The following SLC12A9 variants were observed in gnomAD, a reference collection of about 807,000 sequenced individuals.
The protein encoded by SLC12A9 is solute carrier family 12 member 9, also known as CCC-interacting protein 1.
Under a neutral mutation model 66.0 loss-of-function variants are expected in SLC12A9, and 55 were observed. The ratio of observed to expected loss-of-function variants is 0.83; its 90% CI spans 0.67 to 1.04. The LOEUF is 1.04. Ranked by LOEUF, SLC12A9 falls within the 50% of genes least tolerant of loss-of-function variation. The pLI is 0.00. For synonymous variants in SLC12A9, 577 were observed against 569.0 expected (o/e 1.01, Z -0.20); for missense variants, 1,061 against 1,241.9 (o/e 0.85, Z 2.19).
chr7:100,856,136 G>A, intron 4 of SLC12A9: 1 of 232,762 alleles, frequency 4.3e-6, no homozygotes, highest in South Asian at 7.5e-5. Context: ...GGGGAAGGTG[G>A]ACTCTCTGAT....
chr7:100,859,543 C>A, intron 7 of SLC12A9: 1 of 373,038 alleles, frequency 2.7e-6, no homozygotes, highest in Non-Finnish European at 4.9e-6. Context: ...GAGCAAGAGC[C>A]TCCCCCCAAA....
At chr7:100,829,258 G>C (rs1296097617) in intron 1 of SLC12A9, among the ~76,000 whole-genome samples, 1 of 152,110 alleles carries the variant, frequency 6.6e-6, no homozygotes, top group African/African-American at 2.4e-5. Flanking sequence ...AAAGTGCTGG[G>C]ATTACAGACG....
rs745568147 is a variant in SLC12A9, at chr7:100,866,244, G to A, written c.2384G>A (p.Arg795Gln). The change falls in exon 14 of 14, where the codon CGG becomes CAG. Residue 795 changes from arginine to glutamine, a missense_variant. By Grantham distance (43) the Arg-to-Gln change is conservative. Coordinates refer to ENST00000354161, the MANE Select transcript of SLC12A9 (RefSeq NM_020246.4). The surrounding 1 kb of genome is among the most constrained non-coding windows in gnomAD (Gnocchi z 7.3). Reference protein sequence around the residue: ...LRALLSQLRIRAEVQEVVWGE... With the variant: ...LRALLSQLRIQAEVQEVVWGE... The stretch of plus-strand genomic sequence containing the variant: ...GCACTGCTGAGCCAACTGAGGATCC[G>A]GGCTGAGGTGCAGGAGGTGGTGTGG... 7 of 1,598,978 alleles carry A rather than the reference G, an allele frequency of 4.4e-6. No individual in the cohort carries two copies. Among genetic ancestry groups the A allele is most frequent in the African/African-American group, 4.0e-5 (3 of 74,568 alleles).
chr7:100,859,972 C>T lies in SLC12A9; in HGVS notation c.1065C>T (p.Leu355=), dbSNP rs762454647. 8.7e-6 allele frequency: 14 copies of T among 1,613,382 alleles called. No individual in the cohort carries two copies. In the Admixed American group the frequency reaches 1.2e-4, roughly 13 times the overall value. Residue 355 remains leucine (L), a synonymous_variant, in exon 8 of 14, where the codon CTC becomes CTT. Transcript: ENST00000354161. The part of the protein sequence containing the change: ...LVLIGIYATA[L]SASMSSLIGA... ...TGATCGGAATCTATGCCACAGCGCT[C>T]TCAGCGTCCATGAGCTCGCTCATTG...
chr7:100,866,742 G>T lies in SLC12A9; in HGVS notation c.*137G>T, dbSNP rs1815122848. On this transcript the variant is annotated 3_prime_UTR_variant, in exon 14 of 14. Coordinates refer to ENST00000354161, the MANE Select transcript of SLC12A9 (RefSeq NM_020246.4). The surrounding 1 kb of genome is among the most constrained non-coding windows in gnomAD (Gnocchi z 7.3). The stretch of plus-strand genomic sequence containing the variant: ...TGGAGCCCAGGGGAGGTTTGAAGGG[G>T]ATCCTGGGCTTGGGCATCACGCCCA... The T allele has an allele frequency of 1.1e-6, 1 of 949,474 alleles. No homozygotes were observed. Among genetic ancestry groups the T allele is most frequent in the Non-Finnish European group, 1.5e-6 (1 of 675,628 alleles). 58.8% of individuals were successfully genotyped at this position (949,474 alleles called of 1,614,324 possible).
intron 1 of SLC12A9, among the ~76,000 whole-genome samples, chr7:100,835,664 CA>C (rs1180089393): frequency 6.6e-6 from 1 of 151,524 alleles, no homozygotes; most frequent in East Asian, 1.9e-4. Flanking sequence ...AAAAAAACAA[CA>C]AAAAAACAAA....
Position 100,854,774 on chromosome 7 carries a change from G to A in SLC12A9, c.316+20G>A. The A allele has an allele frequency of 1.9e-6, 3 of 1,613,552 alleles. No homozygotes were observed. The highest frequency in any genetic ancestry group is 2.5e-6 in the Non-Finnish European group (3 of 1,179,914). ...CCTACTGTATCCTCCAACATCGATG[G>A]ACTGGGGTCTGGCCTGTTCTGCCTG... On this transcript the variant is annotated intron_variant, in intron 3 of 13. Transcript: ENST00000354161.
intron 1 of SLC12A9, among the ~76,000 whole-genome samples, chr7:100,835,725 A>T (rs2116503991): frequency 6.6e-6 from 1 of 152,304 alleles, no homozygotes; most frequent in Middle Eastern, 3.4e-3. Context: ...TTTCATGCAG[A>T]CTTTCCCATC....
rs1409707889 is a variant in SLC12A9 at position 100,861,683 on chromosome 7, C to T, written c.1537-54C>T. The T allele has an allele frequency of 1.6e-5, 26 of 1,611,646 alleles. No homozygotes were observed. The highest frequency in any genetic ancestry group is 8.8e-5 in the South Asian group (8 of 91,024). Reference sequence around the variant, plus strand: ...GTGCTCCCGTCCAGGAGGCGCTGAACGGGGCTGTGCATTTGATCCTGCCAC... The same window carrying T: ...GTGCTCCCGTCCAGGAGGCGCTGAATGGGGCTGTGCATTTGATCCTGCCAC... On this transcript the variant is annotated intron_variant, in intron 11 of 13. Transcript: ENST00000354161. The surrounding 1 kb of genome is among the most constrained non-coding windows in gnomAD (Gnocchi z 5.3).
chr7:100,831,615 CGCGCGGGGACCAT>C (rs1176529262), intron 1 of SLC12A9, among the ~76,000 whole-genome samples: 1 of 152,204 alleles, frequency 6.6e-6, no homozygotes, highest in African/African-American at 2.4e-5. Flanking sequence ...GCTGGGACCC[CGCGCGGGGACCAT>C]GCCCGGCTAA....
In SLC12A9 at chr7:100,861,247, C is replaced by T. The variant is rs1466931743; in HGVS notation, c.1328C>T (p.Ser443Leu). Residue 443 changes from serine to leucine, a missense_variant, in exon 10 of 14, where the codon TCG becomes TTG. Ser to Leu is a moderately radical substitution (Grantham distance 145). Transcript: ENST00000354161. This position sits in a 1 kb window ranked among gnomAD's most constrained non-coding sequence, Gnocchi z 5.3. ...TCCTGCCTGAGCCTGGAGTGGGCCT[C>T]GGCCCCCAACTTCCGGTGAGAGACT... is the stretch of plus-strand genomic sequence containing the variant. ...DLSCLSLEWASAPNFRPTFSL... is the reference protein window; with the variant it reads ...DLSCLSLEWALAPNFRPTFSL... 3.7e-6 allele frequency: 6 copies of T among 1,614,188 alleles called. No individual in the cohort carries two copies. In the East Asian group the frequency reaches 6.7e-5, roughly 18 times the overall value.
chr7:100,865,990 G>A lies in SLC12A9; in HGVS notation c.2130G>A (p.Arg710=), dbSNP rs775987820. 1 of 1,612,784 alleles carries A rather than the reference G, an allele frequency of 6.2e-7. No individual in the cohort carries two copies. The highest frequency in any genetic ancestry group is 1.1e-5 in the South Asian group (1 of 91,052). ...ARASGALPPE[R]LSRGSGGTSQ... is the part of the protein sequence containing the mutation. ...CCAGCGGGGCCTTGCCCCCTGAGCG[G>A]CTGAGCCGGGGGTCTGGGGGCACCT... The change falls in exon 14 of 14, where the codon CGG becomes CGA. Residue 710 remains arginine (R), a synonymous_variant. Transcript: ENST00000354161.
chr7:100,865,551 G>GA (rs1815023792), intron 13 of SLC12A9, 168 bp from the exon 14 acceptor site: 1 of 1,582,572 alleles, frequency 6.3e-7, no homozygotes, highest in Non-Finnish European at 8.6e-7. Flanking sequence ...TAGGAAAAAT[G>GA]AAAAGTCTTT....
At chr7:100,841,184 A>T (rs1350146982) in intron 1 of SLC12A9, among the ~76,000 whole-genome samples, 1 of 152,138 alleles carries the variant, frequency 6.6e-6, no homozygotes, top group African/African-American at 2.4e-5. Context: ...ATTTGTAATA[A>T]GTCAAAAAGT....
intron 1 of SLC12A9, among the ~76,000 whole-genome samples, chr7:100,830,489 C>CTGT (rs1813523465): frequency 6.6e-6 from 1 of 151,944 alleles, no homozygotes; most frequent in Admixed American, 6.6e-5. Context: ...GCCTGAACAA[C>CTGT]ATAGCGAGAC....
upstream of SLC12A9, among the ~76,000 whole-genome samples, chr7:100,848,739 A>T (rs190375332): frequency 3.4e-3 from 520 of 151,716 alleles, no homozygotes; most frequent in Non-Finnish European, 5.6e-3. Flanking sequence ...ACAAAAAATT[A>T]GCCGTGCGTG....
In SLC12A9 at chr7:100,856,393, A is replaced by G. The variant is rs553742439; in HGVS notation, c.449-475A>G. 4.9e-5 allele frequency: 8 copies of G among 162,204 alleles called. No homozygotes were observed. In the South Asian group the frequency reaches 1.3e-3, roughly 27 times the overall value. The allele number at this position is 162,204 out of a possible 1,614,324, so 10.0% of individuals were successfully genotyped here. A position where few individuals can be genotyped will look rare whatever the true frequency, so the allele number is the denominator to read the frequency against. ...TGGCTAATGTTTGTATTTTTAGTAG[A>G]GACGGGGTTTCACCATGTTGGCCAG... On this transcript the variant is annotated intron_variant, in intron 4 of 13. Transcript: ENST00000354161.
intron 12 of SLC12A9, 33 bp from the exon 13 acceptor site, chr7:100,862,648 C>G: frequency 6.2e-7 from 1 of 1,611,514 alleles, no homozygotes; most frequent in Non-Finnish European, 8.5e-7. Context: ...TTGGACAACA[C>G]TGGCTACCTT....
At chr7:100,857,451 G>A (rs1475743821) in intron 5 of SLC12A9, 2 of 499,180 alleles carry the variant, frequency 4.0e-6, no homozygotes, top group Admixed American at 6.6e-5. Context: ...GCACAGAATG[G>A]CCCAGCATGA....
Sources: allele counts gnomAD v4.1 joint callset (sites outside exome capture counted in the v4.1 genomes callset), GRCh38; gene constraint gnomAD v4.1.1; non-coding constraint Gnocchi (gnomAD v3.1); transcripts MANE v1.5; gene names NCBI Gene and HGNC (gene_info 2026-07-23, HGNC 2026-07-21).